NRXN1: variants seen among roughly 807,000 people sequenced by gnomAD.
NRXN1 encodes neurexin-1.
NRXN1 carries 39 observed loss-of-function variants against 150.9 expected under a neutral mutation model. The ratio of observed to expected loss-of-function variants is 0.26; its 90% CI spans 0.20 to 0.34. The LOEUF is 0.34. Among genes scored for constraint, NRXN1 ranks in the 10% least tolerant of loss-of-function variants. The probability of loss-of-function intolerance (pLI) is 1.00; values close to 1 mark genes in which losing one functional copy is unlikely to be tolerated. For missense variants in NRXN1, 1,815 were observed against 1,949.9 expected (o/e 0.93, Z 1.30); for synonymous variants, 924 against 757.0 (o/e 1.22, Z -3.62).
At chr2:50,070,004 C>T (rs1695997233) in intron 19 of NRXN1, among the ~76,000 whole-genome samples, 1 of 151,888 alleles carries the variant, frequency 6.6e-6, no homozygotes, top group Admixed American at 6.6e-5. Flanking sequence ...GCACCCGCCA[C>T]CACACCCACC....
At chr2:50,524,715 G>C (rs112083311) in intron 12 of NRXN1, among the ~76,000 whole-genome samples, 3,068 of 152,096 alleles carry the variant, frequency 0.02, 97 homozygotes, top group African/African-American at 0.07. Context: ...CTTACCTATA[G>C]TTGATAGGAG....
At chr2:50,202,930 T>G (rs1288649459) in intron 18 of NRXN1, among the ~76,000 whole-genome samples, 1 of 151,874 alleles carries the variant, frequency 6.6e-6, no homozygotes, top group Non-Finnish European at 1.5e-5. Context: ...CTGGAAAAAG[T>G]AAACAGTGAA....
Position 50,472,305 on chromosome 2 carries a change from T to C in NRXN1, c.3237A>G (p.Gly1079=), listed in dbSNP as rs886056170. The change falls in exon 16 of 23, where the codon GGA becomes GGG. Residue 1079 remains glycine, a synonymous_variant. Coordinates refer to ENST00000401669, the MANE Select transcript of NRXN1 (RefSeq NM_001330078.2). ...ALFCNGQIER[G]CEGPSTTCQE... Reference sequence around the variant, plus strand: ...ATGACAAAAATCTAATACCTTCACATCCTCTCTCGATCTGTCCGTTGCAGA... The same window carrying C: ...ATGACAAAAATCTAATACCTTCACACCCTCTCTCGATCTGTCCGTTGCAGA... 4 of 1,586,448 alleles carry C rather than the reference T, an allele frequency of 2.5e-6. No individual in the cohort carries two copies. The East Asian group carries it at 9.0e-5, about 36-fold the overall frequency.
intron 5 of NRXN1, among the ~76,000 whole-genome samples, chr2:50,880,098 G>A (rs1490614925): frequency 3.3e-5 from 5 of 151,904 alleles, no homozygotes; most frequent in African/African-American, 1.2e-4. Flanking sequence ...GTCAGATATG[G>A]GAACTGCAGA....
At chr2:50,194,674 G>C (rs2061647398) in intron 18 of NRXN1, among the ~76,000 whole-genome samples, 1 of 151,960 alleles carries the variant, frequency 6.6e-6, no homozygotes, top group African/African-American at 2.4e-5. Flanking sequence ...TAAACTCTCT[G>C]GGTTTTATTT....
chr2:50,371,437 C>T (rs903731098), intron 17 of NRXN1, among the ~76,000 whole-genome samples: 2 of 151,934 alleles, frequency 1.3e-5, no homozygotes, highest in Non-Finnish European at 2.9e-5. Flanking sequence ...GAATTTCTAA[C>T]AAAAAATCAA....
intron 17 of NRXN1, among the ~76,000 whole-genome samples, chr2:50,265,429 A>G (rs2068732390): frequency 6.6e-6 from 1 of 152,154 alleles, no homozygotes; most frequent in African/African-American, 2.4e-5. Context: ...AGGGCTTATC[A>G]TAAAGAGGGG....
chr2:50,165,012 T>C (rs57947630), intron 18 of NRXN1, among the ~76,000 whole-genome samples: 10,079 of 152,118 alleles, frequency 0.066, 397 homozygotes, highest in Middle Eastern at 0.12. Flanking sequence ...TGGAGGTTTC[T>C]GAAAGCAAGA....
chr2:49,990,910 G>C (rs1463963786), intron 21 of NRXN1, among the ~76,000 whole-genome samples: 1 of 152,136 alleles, frequency 6.6e-6, no homozygotes, highest in Admixed American at 6.6e-5. Flanking sequence ...AGTTAACTCA[G>C]TGGTGGTAGC....
intron 8 of NRXN1, among the ~76,000 whole-genome samples, chr2:50,563,916 G>A (rs778972919): frequency 1.5e-4 from 23 of 152,188 alleles, no homozygotes; most frequent in Non-Finnish European, 2.2e-4. Context: ...GCCTGCAAAC[G>A]AAACAGGAAA....
intron 18 of NRXN1, among the ~76,000 whole-genome samples, chr2:50,221,380 T>G (rs1345756556): frequency 6.6e-6 from 1 of 152,020 alleles, no homozygotes; most frequent in African/African-American, 2.4e-5. Flanking sequence ...AACCTGTTAG[T>G]GAATATAATA....
chr2:50,095,046 A>G (rs766452014), intron 18 of NRXN1, among the ~76,000 whole-genome samples: 1 of 152,064 alleles, frequency 6.6e-6, no homozygotes, highest in Non-Finnish European at 1.5e-5. Context: ...TCATCCCTGG[A>G]GGAATAAGAG....
At chr2:50,059,221 A>T (rs1694108845) in intron 19 of NRXN1, among the ~76,000 whole-genome samples, 1 of 152,124 alleles carries the variant, frequency 6.6e-6, no homozygotes, top group African/African-American at 2.4e-5. Context: ...GAGCAAAGGA[A>T]ATTATTGCTA....
At chr2:50,154,853 C>T (rs1010996756) in intron 18 of NRXN1, among the ~76,000 whole-genome samples, 4 of 151,208 alleles carry the variant, frequency 2.6e-5, no homozygotes, top group Admixed American at 6.6e-5. Context: ...AAAGAGTATA[C>T]CTCTAATAAG....
intron 5 of NRXN1, among the ~76,000 whole-genome samples, chr2:50,769,430 A>G (rs1243618086): frequency 6.6e-6 from 1 of 152,146 alleles, no homozygotes; most frequent in East Asian, 1.9e-4. Context: ...GAAATATTAT[A>G]CATTTTGATA....
intron 5 of NRXN1, among the ~76,000 whole-genome samples, chr2:50,828,513 G>C (rs1357102573): frequency 9.9e-5 from 15 of 151,452 alleles, no homozygotes; most frequent in African/African-American, 3.1e-4. Flanking sequence ...CTTCTCAGAC[G>C]GGGCGGCTGG....
chr2:50,717,342 G>A (rs1229343744), intron 5 of NRXN1, among the ~76,000 whole-genome samples: 2 of 152,066 alleles, frequency 1.3e-5, no homozygotes, highest in African/African-American at 4.8e-5. Flanking sequence ...TGTACTTCCT[G>A]GTACCCCAAA....
intron 6 of NRXN1, 137 bp downstream of exon 6, chr2:50,623,177 C>G (rs1680352183): frequency 3.1e-6 from 2 of 651,970 alleles, no homozygotes; most frequent in Middle Eastern, 6.3e-4. Context: ...CAGGAAGATT[C>G]ATCTCAGAAG....
intron 18 of NRXN1, among the ~76,000 whole-genome samples, chr2:50,133,320 T>C (rs921100615): frequency 1.1e-4 from 13 of 117,952 alleles, no homozygotes; most frequent in African/African-American, 3.9e-4. Context: ...AGTGTGGAGG[T>C]TGCTGACAAC....
Sources: gnomAD v4.1 joint callset for allele counts (sites outside exome capture counted in the v4.1 genomes callset) on GRCh38, gnomAD v4.1.1 for gene constraint, MANE v1.5 for transcripts, NCBI Gene and HGNC (gene_info 2026-07-23, HGNC 2026-07-21) for gene names.